SFTPD: variants seen among roughly 807,000 people sequenced by gnomAD.
The protein encoded by SFTPD is surfactant protein D.
In SFTPD, 18 loss-of-function variants were observed where a neutral mutation model predicts 34.6. That is an observed-to-expected ratio of 0.52 (90% confidence interval 0.36 to 0.77). The LOEUF (loss-of-function observed/expected upper bound fraction) is 0.77, where lower values mean the gene tolerates loss of function less well. Among genes scored for constraint, SFTPD ranks in the 30% least tolerant of loss-of-function variants. The pLI, the probability that SFTPD is intolerant of heterozygous loss-of-function variation, is 0.00. For synonymous variants in SFTPD, 155 were observed against 180.9 expected, an observed-to-expected ratio of 0.86 and a Z score of 1.15; for missense variants, 433 against 468.9, an observed-to-expected ratio of 0.92 and a Z score of 0.71.
intron 7 of SFTPD, 132 bp from the exon 8 acceptor site, chr10:79,938,360 A>G (rs1250505173): frequency 5.2e-6 from 4 of 763,722 alleles, no homozygotes; most frequent in Non-Finnish European, 6.3e-6. Flanking sequence ...TGCCAGAGAG[A>G]ATGCAAGAGA....
intron 1 of SFTPD, 57 bp from the exon 2 acceptor site, chr10:79,946,719 G>A: frequency 6.6e-7 from 1 of 1,515,554 alleles, no homozygotes; most frequent in Admixed American, 1.9e-5. Flanking sequence ...ACATGGTTTA[G>A]GGCTTGGCTC....
chr10:79,968,073 T>G (rs1250530219), intron 1 of SFTPD: 1 of 152,150 alleles, frequency 6.6e-6, no homozygotes, highest in Non-Finnish European at 1.5e-5. Context: ...TACATATTTA[T>G]GGAGTATATG....
chr10:79,963,946 C>G (rs563718721), intron 1 of SFTPD, among the ~76,000 whole-genome samples: 73 of 152,020 alleles, frequency 4.8e-4, no homozygotes, highest in African/African-American at 1.6e-3. Context: ...ACTCGATTTC[C>G]CCATATTTCC....
intron 7 of SFTPD, among the ~76,000 whole-genome samples, chr10:79,939,271 A>G (rs1842588428): frequency 2.0e-5 from 3 of 152,234 alleles, no homozygotes; most frequent in Admixed American, 2.0e-4. Context: ...TGGAAGCTCC[A>G]GAGAAGGCTG....
chr10:79,941,987 C>T lies in SFTPD; in HGVS notation c.517G>A (p.Glu173Lys). The change falls in exon 5 of 8, where the codon GAG (glutamate) becomes AAG (lysine). Residue 173 changes from glutamate to lysine, a missense_variant. Physicochemically the swap from Glu to Lys is moderately conservative, Grantham distance 56. Coordinates refer to ENST00000372292, the MANE Select transcript of SFTPD (RefSeq NM_003019.5). ...CCTGTGTTTCCAGGGACTCCACGCT[C>T]ACCAGGGACACCTCGCTCTCCCTTA... is the stretch of plus-strand genomic sequence containing the variant. The part of the protein sequence containing the change: ...GPKGERGVPG[E>K]RGVPGNTGAA... The T allele has an allele frequency of 6.2e-7, 1 of 1,613,944 alleles. No homozygotes were observed. Among genetic ancestry groups the T allele is most frequent in the Non-Finnish European group, 8.5e-7 (1 of 1,179,842 alleles).
intron 6 of SFTPD, among the ~76,000 whole-genome samples, chr10:79,941,022 C>A (rs1295463979): frequency 9.0e-6 from 1 of 111,336 alleles, no homozygotes; most frequent in Non-Finnish European, 1.6e-5. Context: ...GACATTGTGA[C>A]TTTAAAGTCT....
intron 3 of SFTPD, 101 bp from the exon 4 acceptor site, chr10:79,942,605 G>T: frequency 1.1e-6 from 1 of 936,160 alleles, no homozygotes; most frequent in Non-Finnish European, 1.7e-6. Context: ...AGGCAGCATT[G>T]TTGTCCTCCC....
chr10:79,971,790 T>C (rs1425092091), intron 1 of SFTPD: 1 of 152,230 alleles, frequency 6.6e-6, no homozygotes, highest in Non-Finnish European at 1.5e-5. Context: ...TTGAATTTGA[T>C]AGTTTGAATA....
chr10:79,942,702 G>A, intron 3 of SFTPD, 61 bp downstream of exon 3: 1 of 1,195,232 alleles, frequency 8.4e-7, no homozygotes, highest in Non-Finnish European at 1.3e-6. Flanking sequence ...GTGCCCACTG[G>A]CATATCCTTG....
chr10:79,981,486 G>A (rs1419165264), intron 1 of SFTPD, among the ~76,000 whole-genome samples: 2 of 152,064 alleles, frequency 1.3e-5, no homozygotes, highest in Admixed American at 6.6e-5. Context: ...GCGGCGTGAG[G>A]GCTGGGGAAC....
At chr10:79,946,726 G>A in intron 1 of SFTPD, 64 bp from the exon 2 acceptor site, 1 of 1,467,166 alleles carries the variant, frequency 6.8e-7, no homozygotes. Flanking sequence ...TTAGGGCTTG[G>A]CTCAGCTTCT....
intron 1 of SFTPD, among the ~76,000 whole-genome samples, chr10:79,966,770 A>T (rs1254991705): frequency 1.4e-5 from 2 of 144,070 alleles, no homozygotes. Context: ...ATAAGGTGTA[A>T]GGAAGGGATC....
intron 1 of SFTPD, among the ~76,000 whole-genome samples, chr10:79,959,401 G>C (rs1335059652): frequency 2.0e-5 from 3 of 152,126 alleles, no homozygotes; most frequent in Admixed American, 6.5e-5. Flanking sequence ...CTGCTAGCAA[G>C]ACTAATAAAG....
intron 1 of SFTPD, among the ~76,000 whole-genome samples, chr10:79,980,180 G>A (rs1288743077): frequency 6.6e-6 from 1 of 152,078 alleles, no homozygotes; most frequent in Non-Finnish European, 1.5e-5. Flanking sequence ...GGCATCATGT[G>A]CAACCCAGCA....
At position 79,942,721 on chromosome 10, in the gene SFTPD, C is replaced by T. The variant is rs374218709; in HGVS notation, c.316+42G>A. The T allele has an allele frequency of 6.3e-5, 84 of 1,339,656 alleles. No homozygotes were observed. The African/African-American group carries it at 1.1e-3, about 17-fold the overall frequency. 83.0% of individuals were successfully genotyped at this position (1,339,656 alleles called of 1,614,324 possible). Reference sequence around the variant, plus strand: ...CCACTGGCATATCCTTGCAGCTGCACCACCACCTGGAAACACCTGAAGTCG... The same window carrying T: ...CCACTGGCATATCCTTGCAGCTGCATCACCACCTGGAAACACCTGAAGTCG... On this transcript the variant is annotated intron_variant, in intron 3 of 7. Coordinates refer to ENST00000372292, the MANE Select transcript of SFTPD (RefSeq NM_003019.5).
chr10:79,981,807 CGCCCAGCGCG>C (rs1313794187), intron 1 of SFTPD: 3 of 181,354 alleles, frequency 1.7e-5, no homozygotes, highest in East Asian at 1.8e-4. Context: ...ACGCCCGGGG[CGCCCAGCGCG>C]CCCAGACCGG....
chr10:79,938,795 C>T (rs540173912), intron 7 of SFTPD, among the ~76,000 whole-genome samples: 6 of 152,296 alleles, frequency 3.9e-5, no homozygotes, highest in Admixed American at 2.6e-4. Context: ...CATCTGAAAG[C>T]TGTCAGATGC....
intron 2 of SFTPD, among the ~76,000 whole-genome samples, 197 bp downstream of exon 2, chr10:79,946,264 T>C (rs1842663201): frequency 6.6e-6 from 1 of 152,128 alleles, no homozygotes; most frequent in African/African-American, 2.4e-5. Flanking sequence ...GCTAGGGCAG[T>C]TGGGTGCTGG....
At chr10:79,955,199 A>G (rs1842732028) in intron 1 of SFTPD, among the ~76,000 whole-genome samples, 1 of 152,188 alleles carries the variant, frequency 6.6e-6, no homozygotes, top group Non-Finnish European at 1.5e-5. Context: ...CCCAACACCA[A>G]GGAGCTGGAA....
Sources: gnomAD v4.1 joint callset for allele counts (sites outside exome capture counted in the v4.1 genomes callset) on GRCh38, gnomAD v4.1.1 for gene constraint, MANE v1.5 for transcripts, NCBI Gene and HGNC (gene_info 2026-07-23, HGNC 2026-07-21) for gene names.